Variants in SATB1 observed in about 807,000 individuals in gnomAD.
The protein encoded by SATB1 is DNA-binding protein SATB1.
A neutral mutation model predicts 86.9 loss-of-function variants in SATB1; 11 were observed. That is an observed-to-expected ratio of 0.13 (90% CI 0.08 to 0.21). The LOEUF is 0.21. Among genes scored for constraint, SATB1 ranks in the 10% least tolerant of loss-of-function variants. The probability of loss-of-function intolerance (pLI) is 1.00; values close to 1 mark genes in which losing one functional copy is unlikely to be tolerated. For synonymous variants in SATB1, 357 were observed against 357.2 expected, an observed-to-expected ratio of 1.00 and a Z score of 0.01; for missense variants, 551 against 937.6, an observed-to-expected ratio of 0.59 and a Z score of 5.39.
chr3:18,400,953 C>T (rs939073971), intron 5 of SATB1, among the ~76,000 whole-genome samples: 1 of 152,178 alleles, frequency 6.6e-6, no homozygotes. Context: ...CTGAAGCTGG[C>T]CTATATCTGG....
chr3:18,380,839 C>T (rs1422346940), intron 8 of SATB1, among the ~76,000 whole-genome samples: 1 of 151,996 alleles, frequency 6.6e-6, no homozygotes, highest in African/African-American at 2.4e-5. Context: ...TCTTTTATAC[C>T]TCACTCTACT....
intron 7 of SATB1, among the ~76,000 whole-genome samples, chr3:18,387,635 C>G (rs1312938499): frequency 6.6e-6 from 1 of 152,188 alleles, no homozygotes; most frequent in East Asian, 1.9e-4. Flanking sequence ...GCTCTTCTCT[C>G]TTTAATCTTG....
intron 5 of SATB1, among the ~76,000 whole-genome samples, chr3:18,398,722 A>G (rs553196532): frequency 1.3e-5 from 2 of 152,076 alleles, no homozygotes; most frequent in Admixed American, 1.3e-4. Context: ...AGGCACTGTG[A>G]TATCTTTTTT....
intron 2 of SATB1, among the ~76,000 whole-genome samples, chr3:18,419,125 T>C (rs1314205936): frequency 1.3e-5 from 2 of 152,216 alleles, no homozygotes; most frequent in Admixed American, 1.3e-4. Context: ...TTATTGATCA[T>C]GTTTAGAGGT....
chr3:18,351,913 A>G (rs1363475820), intron 10 of SATB1, 79 bp downstream of exon 10: 1 of 1,368,208 alleles, frequency 7.3e-7, no homozygotes. Flanking sequence ...TGGCAGGAGG[A>G]AGAGAAACGC....
chr3:18,435,301 CAA>C (rs759339011), intron 2 of SATB1: 1 of 151,960 alleles, frequency 6.6e-6, no homozygotes. Context: ...CAACAATAAA[CAA>C]GAGGAAATGA....
intron 9 of SATB1, among the ~76,000 whole-genome samples, chr3:18,366,408 A>T (rs756869722): frequency 2.0e-5 from 3 of 151,850 alleles, no homozygotes; most frequent in Non-Finnish European, 2.9e-5. Flanking sequence ...ATGTGCTATT[A>T]AAGTTTTTAA....
In SATB1 at chr3:18,348,741, T is replaced by C. The variant is rs925046941; in HGVS notation, c.*429A>G. ...GTAACAAACTCTTTTTTTTCTTTTT[T>C]TTTTTTAAATAAGGGGCAAGTTTCC... On this transcript the variant is annotated 3_prime_UTR_variant, in exon 11 of 11. Transcript: ENST00000338745. 1 of 160,344 alleles carries C rather than the reference T, an allele frequency of 6.2e-6. No homozygotes were observed. Among genetic ancestry groups the C allele is most frequent in the African/African-American group, 2.4e-5 (1 of 41,434 alleles). The allele number at this position is 160,344 out of a possible 1,614,324, so 9.9% of individuals were successfully genotyped here.
At position 18,352,983 on chromosome 3, in the gene SATB1, A is replaced by G; in HGVS notation, c.1576-788T>C. On this transcript the variant is annotated intron_variant, in intron 9 of 10. Coordinates refer to ENST00000338745, the MANE Select transcript of SATB1 (RefSeq NM_002971.6). This position sits in a 1 kb window ranked among gnomAD's most constrained non-coding sequence, Gnocchi z 4.1. ...TCTATCAAGAACTGAATGATCATGA[A>G]GAATATATTTTCCAGTCATCTCGAG... The G allele has an allele frequency of 6.6e-6, 1 of 152,190 alleles. No individual in the cohort carries two copies. Among genetic ancestry groups the G allele is most frequent in the East Asian group, 1.9e-4 (1 of 5,194 alleles). 9.4% of individuals were successfully genotyped at this position (152,190 alleles called of 1,614,324 possible).
chr3:18,391,202 T>C (rs1696647285), intron 7 of SATB1, among the ~76,000 whole-genome samples: 1 of 152,078 alleles, frequency 6.6e-6, no homozygotes, highest in African/African-American at 2.4e-5. Context: ...AAATTCTCAA[T>C]AGTTAAAACC....
rs994565520 is a variant in SATB1 at position 18,346,904 on chromosome 3, C to T, written c.*2266G>A. 1.3e-5 allele frequency: 2 copies of T among 151,964 alleles called. No individual in the cohort carries two copies. Among genetic ancestry groups the T allele is most frequent in the Non-Finnish European group, 2.9e-5 (2 of 67,986 alleles). The allele number at this position is 151,964 out of a possible 1,614,324, so 9.4% of individuals were successfully genotyped here. ...AAACCTAGTTTCTATTTTCTTAATTCAAATTCCTTTGGCTCAAATTATTAC... is the reference window on the plus strand; with the variant it reads ...AAACCTAGTTTCTATTTTCTTAATTTAAATTCCTTTGGCTCAAATTATTAC... On this transcript the variant is annotated 3_prime_UTR_variant, in exon 11 of 11. Coordinates refer to ENST00000338745, the MANE Select transcript of SATB1 (RefSeq NM_002971.6).
chr3:18,399,891 T>TA (rs1384818126), intron 5 of SATB1, among the ~76,000 whole-genome samples: 1 of 152,088 alleles, frequency 6.6e-6, no homozygotes, highest in Non-Finnish European at 1.5e-5. Context: ...ATTGCTCCTA[T>TA]AGCCACTTCA....
chr3:18,415,201 T>C lies in SATB1; in HGVS notation c.549A>G (p.Gln183=), dbSNP rs61733671. The part of the protein sequence containing the change: ...CPKLEDLPPE[Q]WSHTTVRNAL... ...CATTCCTCACTGTGGTGTGCGACCA[T>C]TGTTCGGGAGGCAAGTCTTCTAGTT... is the stretch of plus-strand genomic sequence containing the variant. Residue 183 remains glutamine (Q), a synonymous_variant, in exon 5 of 11, where the codon CAA becomes CAG. Transcript: ENST00000338745. 3.1e-6 allele frequency: 5 copies of C among 1,612,968 alleles called. No homozygotes were observed. Among genetic ancestry groups the C allele is most frequent in the South Asian group, 1.1e-5 (1 of 91,046 alleles).
In SATB1 at chr3:18,394,331, G is replaced by T. The variant is rs114935062; in HGVS notation, c.1206+131C>A. ...TAAAATTGAGGCTCCACCAGGAATA[G>T]GTAATATGATCACATGAAGAGAGAG... On this transcript the variant is annotated intron_variant, in intron 7 of 10. Coordinates refer to ENST00000338745, the MANE Select transcript of SATB1 (RefSeq NM_002971.6). The surrounding 1 kb of genome is among the most constrained non-coding windows in gnomAD (Gnocchi z 5.9). 1.7e-3 allele frequency: 1,283 copies of T among 762,838 alleles called. 11 individuals carry two copies. In the African/African-American group the frequency reaches 0.02, roughly 12 times the overall value. 47.3% of individuals were successfully genotyped at this position (762,838 alleles called of 1,614,324 possible).
intron 2 of SATB1, among the ~76,000 whole-genome samples, chr3:18,435,475 A>G (rs1348097314): frequency 6.6e-6 from 1 of 152,138 alleles, no homozygotes; most frequent in Non-Finnish European, 1.5e-5. Flanking sequence ...ATATGCCTCC[A>G]TCCCAGCCAA....
chr3:18,434,200 T>C (rs1698983554), intron 2 of SATB1, among the ~76,000 whole-genome samples: 1 of 152,050 alleles, frequency 6.6e-6, no homozygotes, highest in South Asian at 2.1e-4. Flanking sequence ...CTCTCAAAAA[T>C]AACTTTTTAT....
intron 9 of SATB1, among the ~76,000 whole-genome samples, chr3:18,362,672 C>T (rs1238615257): frequency 6.6e-6 from 1 of 151,780 alleles, no homozygotes; most frequent in African/African-American, 2.4e-5. Flanking sequence ...AGAATTTATG[C>T]TAGGAAACTT....
At chr3:18,445,389 C>T (rs1699366832) in intron 1 of SATB1, 3 of 985,064 alleles carry the variant, frequency 3.0e-6, no homozygotes, top group Non-Finnish European at 3.6e-6. Flanking sequence ...CGAGGGCGGG[C>T]CAGGGGGCGC....
upstream of SATB1, among the ~76,000 whole-genome samples, chr3:18,442,747 CAG>C (rs1293493996): frequency 6.6e-6 from 1 of 152,100 alleles, no homozygotes; most frequent in East Asian, 1.9e-4. Context: ...GTGAGAAAAA[CAG>C]AGTAAATATA....
Sources: gnomAD v4.1 joint callset for allele counts (sites outside exome capture counted in the v4.1 genomes callset) on GRCh38, gnomAD v4.1.1 for gene constraint, Gnocchi (gnomAD v3.1) non-coding constraint, MANE v1.5 for transcripts, NCBI Gene and HGNC (gene_info 2026-07-23, HGNC 2026-07-21) for gene names.